Variants in SLIT3 observed in about 807,000 individuals in gnomAD.
SLIT3 encodes the protein slit homolog 3 protein.
A neutral mutation model predicts 184.0 loss-of-function variants in SLIT3; 68 were observed. The ratio of observed to expected loss-of-function variants is 0.37; its 90% CI spans 0.30 to 0.45. The LOEUF (loss-of-function observed/expected upper bound fraction) is 0.45. Ranked by LOEUF, SLIT3 falls within the 20% of genes least tolerant of loss-of-function variation. SLIT3 has a pLI of 1.00. For synonymous variants in SLIT3, 831 were observed against 828.6 expected, an observed-to-expected ratio of 1.00 and a Z score of -0.05; for missense variants, 1,707 against 2,026.0, an observed-to-expected ratio of 0.84 and a Z score of 3.02.
At chr5:169,050,854 A>G (rs1757791757) in intron 4 of SLIT3, among the ~76,000 whole-genome samples, 1 of 152,218 alleles carries the variant, frequency 6.6e-6, no homozygotes, top group African/African-American at 2.4e-5. Flanking sequence ...TACCTGGCAC[A>G]CAATAGGCAG....
chr5:168,881,103 T>G (rs1759932993), intron 5 of SLIT3, among the ~76,000 whole-genome samples: 1 of 152,096 alleles, frequency 6.6e-6, no homozygotes, highest in African/African-American at 2.4e-5. Flanking sequence ...TCCCCTTTCC[T>G]TCTTCCCCGC....
chr5:168,814,981 C>A (rs1270997908), intron 8 of SLIT3, among the ~76,000 whole-genome samples: 1 of 152,098 alleles, frequency 6.6e-6, no homozygotes, highest in Admixed American at 6.6e-5. Flanking sequence ...TTAAAGAATC[C>A]CTCATGCATA....
intron 4 of SLIT3, among the ~76,000 whole-genome samples, chr5:169,145,420 T>C (rs1400247541): frequency 6.6e-6 from 1 of 152,184 alleles, no homozygotes; most frequent in African/African-American, 2.4e-5. Flanking sequence ...ATGCTAGAGA[T>C]GCCCAAAGCT....
At chr5:169,175,461 AG>A (rs2113427763) in intron 4 of SLIT3, among the ~76,000 whole-genome samples, 1 of 152,270 alleles carries the variant, frequency 6.6e-6, no homozygotes, top group African/African-American at 2.4e-5. Flanking sequence ...ATCATCTCTG[AG>A]CCCCATTTCC....
At chr5:169,213,437 T>G (rs1764337436) in intron 3 of SLIT3, among the ~76,000 whole-genome samples, 1 of 152,194 alleles carries the variant, frequency 6.6e-6, no homozygotes, top group Non-Finnish European at 1.5e-5. Context: ...TACTTTAAAC[T>G]TCATATAGAA....
intron 16 of SLIT3, among the ~76,000 whole-genome samples, chr5:168,755,004 C>G (rs1252252558): frequency 6.6e-6 from 1 of 152,174 alleles, no homozygotes; most frequent in Non-Finnish European, 1.5e-5. Flanking sequence ...GTTAAGGATC[C>G]CTGATACAAA....
chr5:168,910,764 AAAG>A (rs1158444190), intron 4 of SLIT3, among the ~76,000 whole-genome samples: 1 of 151,962 alleles, frequency 6.6e-6, no homozygotes, highest in East Asian at 1.9e-4. Context: ...AAAAAAGAAA[AAAG>A]AAGAAAAAAA....
intron 4 of SLIT3, among the ~76,000 whole-genome samples, chr5:169,021,270 G>C (rs758449787): frequency 6.6e-6 from 1 of 152,172 alleles, no homozygotes; most frequent in Non-Finnish European, 1.5e-5. Context: ...TTAAGGGATG[G>C]GCAAGGGGCA....
At chr5:169,158,915 C>CA (rs1457831521) in intron 4 of SLIT3, among the ~76,000 whole-genome samples, 1 of 152,086 alleles carries the variant, frequency 6.6e-6, no homozygotes, top group African/African-American at 2.4e-5. Flanking sequence ...AAACAGAAAA[C>CA]AAAAAATAAA....
rs6889853 is a variant in SLIT3, at chr5:169,103,434, C to G, written c.413+90045G>C. 1.5e-3 allele frequency among the ~76,000 whole-genome samples: 222 copies of G among 152,254 alleles called. 1 individual carries two copies. The highest frequency in any genetic ancestry group is 5.1e-3 in the African/African-American group (210 of 41,552). On this transcript the variant is annotated intron_variant, in intron 4 of 35. Transcript: ENST00000519560. ...CCTCAGAGTCTGAGAAAAACTAAGA[C>G]GAGGATATGCTGTGCTCCTGGTTGC... is the stretch of plus-strand genomic sequence containing the variant.
intron 10 of SLIT3, chr5:168,790,855 T>G (rs1756338715): frequency 6.6e-6 from 1 of 152,220 alleles, no homozygotes; most frequent in African/African-American, 2.4e-5. Context: ...TTCTAATAGA[T>G]TTCAAAAGAA....
At position 169,007,478 on chromosome 5, in the gene SLIT3, G is replaced by A. The variant is rs10076318; in HGVS notation, c.414-124142C>T. Among the ~76,000 whole-genome samples the A allele has an allele frequency of 2.8e-3, 422 of 152,308 alleles. 3 individuals are homozygous for A. The highest frequency in any genetic ancestry group is 9.7e-3 in the African/African-American group (404 of 41,562). ...TTCTACGTGCTTTTTGATCCAAAAC[G>A]AATAGATGTTAAAATAAGATTAGGT... On this transcript the variant is annotated intron_variant, in intron 4 of 35. Coordinates refer to ENST00000519560, the MANE Select transcript of SLIT3 (RefSeq NM_003062.4).
intron 4 of SLIT3, among the ~76,000 whole-genome samples, chr5:169,152,652 T>A (rs1762155657): frequency 6.6e-6 from 1 of 152,122 alleles, no homozygotes; most frequent in Non-Finnish European, 1.5e-5. Context: ...AACGTCAAGA[T>A]CCTTATCAGA....
At chr5:169,063,850 T>C (rs1216790405) in intron 4 of SLIT3, among the ~76,000 whole-genome samples, 1 of 152,236 alleles carries the variant, frequency 6.6e-6, no homozygotes, top group East Asian at 1.9e-4. Flanking sequence ...TAACAACTAC[T>C]GCAAAATATT....
chr5:168,852,865 G>T (rs1375737777), intron 5 of SLIT3, among the ~76,000 whole-genome samples: 1 of 152,156 alleles, frequency 6.6e-6, no homozygotes, highest in Non-Finnish European at 1.5e-5. Context: ...GAATTTTTGT[G>T]TATTAATGAA....
chr5:168,691,117 T>A (rs1482727759), intron 29 of SLIT3, among the ~76,000 whole-genome samples: 1 of 152,130 alleles, frequency 6.6e-6, no homozygotes, highest in East Asian at 1.9e-4. Context: ...AAATATTTGC[T>A]CAGTGTCAAA....
At chr5:169,037,654 T>A (rs1757303184) in intron 4 of SLIT3, 2 of 152,216 alleles carry the variant, frequency 1.3e-5, no homozygotes. Flanking sequence ...CAGTCTGACA[T>A]ATAACTCCAT....
chr5:169,298,280 C>G (rs1188631236), intron 1 of SLIT3, among the ~76,000 whole-genome samples: 1 of 152,092 alleles, frequency 6.6e-6, no homozygotes, highest in East Asian at 1.9e-4. Flanking sequence ...TGCCTATTAA[C>G]GACTGCAGCA....
At chr5:169,297,631 T>A (rs771614988) in intron 1 of SLIT3, among the ~76,000 whole-genome samples, 1 of 152,232 alleles carries the variant, frequency 6.6e-6, no homozygotes, top group Non-Finnish European at 1.5e-5. Flanking sequence ...GAGCATCTGA[T>A]GACAGTGCTG....
Sources: gnomAD v4.1 joint callset for allele counts (sites outside exome capture counted in the v4.1 genomes callset) on GRCh38, gnomAD v4.1.1 for gene constraint, MANE v1.5 for transcripts, NCBI Gene and HGNC (gene_info 2026-07-23, HGNC 2026-07-21) for gene names.